Variants in GRID2 observed in about 807,000 individuals in gnomAD.
The protein encoded by GRID2 is glutamate ionotropic receptor delta type subunit 2.
A neutral mutation model predicts 114.8 loss-of-function variants in GRID2; 33 were observed. The ratio of observed to expected loss-of-function variants is 0.29; its 90% CI spans 0.22 to 0.38. The LOEUF (loss-of-function observed/expected upper bound fraction) is 0.38, where lower values mean the gene tolerates loss of function less well. GRID2 is among the 10% of genes least tolerant of loss of function. The probability of loss-of-function intolerance (pLI) is 1.00; values close to 1 mark genes in which losing one functional copy is unlikely to be tolerated. For missense variants in GRID2, 1,184 were observed against 1,257.7 expected (o/e 0.94, Z 0.89); for synonymous variants, 505 against 449.9 (o/e 1.12, Z -1.55).
intron 1 of GRID2, among the ~76,000 whole-genome samples, chr4:92,358,680 T>G (rs2110197060): frequency 6.6e-6 from 1 of 152,064 alleles, no homozygotes; most frequent in South Asian, 2.1e-4. Flanking sequence ...CAGATTTCAT[T>G]AGTCTACTAC....
intron 9 of GRID2, among the ~76,000 whole-genome samples, chr4:93,400,999 A>C (rs2149338213): frequency 6.6e-6 from 1 of 151,954 alleles, no homozygotes; most frequent in South Asian, 2.1e-4. Flanking sequence ...ACCGTGCCTG[A>C]CTAATTTATT....
chr4:92,645,723 A>G (rs1459344700), intron 2 of GRID2, among the ~76,000 whole-genome samples: 3 of 151,606 alleles, frequency 2.0e-5, no homozygotes, highest in East Asian at 3.9e-4. Context: ...TTAACTTGAC[A>G]TGTATTCTTT....
chr4:92,517,515 T>TA (rs1342396791), intron 1 of GRID2, among the ~76,000 whole-genome samples: 3 of 151,922 alleles, frequency 2.0e-5, no homozygotes, highest in South Asian at 2.1e-4. Flanking sequence ...TGTATGTTGT[T>TA]AAAAAATATT....
intron 5 of GRID2, among the ~76,000 whole-genome samples, chr4:93,209,774 A>C (rs1454514953): frequency 1.3e-5 from 2 of 151,878 alleles, no homozygotes; most frequent in Non-Finnish European, 1.5e-5. Context: ...TTATTTTTTG[A>C]CTTTTTAATA....
At chr4:93,236,158 G>A (rs2149509379) in intron 7 of GRID2, among the ~76,000 whole-genome samples, 1 of 152,104 alleles carries the variant, frequency 6.6e-6, no homozygotes, top group East Asian at 1.9e-4. Context: ...TTGTCATTTG[G>A]AGATACTAAT....
intron 2 of GRID2, among the ~76,000 whole-genome samples, chr4:92,847,982 ACAGT>A (rs1743466545): frequency 1.3e-5 from 2 of 152,050 alleles, no homozygotes; most frequent in South Asian, 2.1e-4. Flanking sequence ...CTCCATGTCA[ACAGT>A]CAAAGGACAA....
chr4:92,470,711 T>C (rs954186808), intron 1 of GRID2, among the ~76,000 whole-genome samples: 3 of 151,988 alleles, frequency 2.0e-5, no homozygotes, highest in Admixed American at 2.0e-4. Flanking sequence ...AGAATTATAT[T>C]TGTATTTTCA....
chr4:92,661,402 C>T (rs999417734), intron 2 of GRID2, among the ~76,000 whole-genome samples: 44 of 150,766 alleles, frequency 2.9e-4, no homozygotes, highest in African/African-American at 1.0e-3. Flanking sequence ...GTGGCCAATA[C>T]ATTAAAAAAT....
In GRID2 at chr4:93,192,207, C is replaced by T. The variant is rs576497438; in HGVS notation, c.736-15197C>T. Among the ~76,000 whole-genome samples, 60 of 152,266 alleles carry T rather than the reference C, an allele frequency of 3.9e-4. No homozygotes were observed. In the Middle Eastern group the frequency reaches 0.017, roughly 43 times the overall value. ...TTTAACAAAATGGGGCAACCAGCAA[C>T]TGAAATCATTCCATTTAAAATAATT... On this transcript the variant is annotated intron_variant, in intron 4 of 15. Transcript: ENST00000282020.
chr4:93,091,729 C>T (rs746286385), intron 3 of GRID2, among the ~76,000 whole-genome samples: 3 of 152,084 alleles, frequency 2.0e-5, no homozygotes, highest in Non-Finnish European at 2.9e-5. Flanking sequence ...TTGTGTCCCC[C>T]ACTTTGGCCT....
Position 92,621,646 on chromosome 4 carries a change from G to A in GRID2, c.244+31360G>A, listed in dbSNP as rs530857379. ...CTGCACTTAGCGCAGGGCAAAAAGC[G>A]AGACATCATCTCTTAAAAAAATCCA... On this transcript the variant is annotated intron_variant, in intron 2 of 15. Coordinates refer to ENST00000282020, the MANE Select transcript of GRID2 (RefSeq NM_001510.4). 4.6e-5 allele frequency among the ~76,000 whole-genome samples: 7 copies of A among 151,772 alleles called. No homozygotes were observed. In the South Asian group the frequency reaches 1.2e-3, roughly 27 times the overall value.
At chr4:93,037,604 G>A (rs1725046350) in intron 2 of GRID2, among the ~76,000 whole-genome samples, 1 of 152,144 alleles carries the variant, frequency 6.6e-6, no homozygotes. Context: ...TCTCTCTTGA[G>A]TTAATTTTTG....
chr4:93,389,901 G>A (rs1471832259), intron 8 of GRID2, among the ~76,000 whole-genome samples: 2 of 151,462 alleles, frequency 1.3e-5, no homozygotes, highest in Non-Finnish European at 2.9e-5. Flanking sequence ...CAATTCTCCC[G>A]CCTCAGCCCC....
downstream of GRID2, among the ~76,000 whole-genome samples, chr4:93,776,566 T>C (rs894496334): frequency 2.6e-5 from 4 of 152,264 alleles, no homozygotes; most frequent in South Asian, 2.1e-4. Context: ...TGGCTCCATA[T>C]CAACATGCAG....
At position 93,591,194 on chromosome 4, in the gene GRID2, G is replaced by T. The variant is rs1217651185; in HGVS notation, c.2194-35075G>T. Among the ~76,000 whole-genome samples the T allele has an allele frequency of 1.9e-3, 289 of 150,392 alleles. 1 individual carries two copies. Among genetic ancestry groups the T allele is most frequent in the Middle Eastern group, 6.8e-3 (2 of 294 alleles). On this transcript the variant is annotated intron_variant, in intron 13 of 15. Coordinates refer to ENST00000282020, the MANE Select transcript of GRID2 (RefSeq NM_001510.4). Reference sequence around the variant, plus strand: ...TCAGTATGATATTGGCTGTGGGTTTGTCATAGATAGCTCTTATTATTTTGA... The same window carrying T: ...TCAGTATGATATTGGCTGTGGGTTTTTCATAGATAGCTCTTATTATTTTGA...
At chr4:93,677,098 C>T (rs1242865024) in intron 14 of GRID2, among the ~76,000 whole-genome samples, 14 of 152,184 alleles carry the variant, frequency 9.2e-5, no homozygotes, top group Non-Finnish European at 1.9e-4. Context: ...TCCCTACGGG[C>T]TTAGGAAATG....
In GRID2 at chr4:93,455,891, C is replaced by G; in HGVS notation, c.1775C>G (p.Pro592Arg). The change falls in exon 11 of 16, where the codon CCC becomes CGC. Residue 592 changes from proline (P) to arginine (R), a missense_variant. Around this residue, in one of 3 missense-constraint regions of GRID2, gnomAD observed 717 missense variants for 796.9 expected, o/e 0.90. Coordinates refer to ENST00000282020, the MANE Select transcript of GRID2 (RefSeq NM_001510.4). ...LLVYLLNWLNPPRLQMGSMTS... is the reference protein window; with the variant it reads ...LLVYLLNWLNRPRLQMGSMTS... ...GTCTACCTCTTGAACTGGCTTAATC[C>G]CCCACGATTACAAATGGGATCAATG... The G allele has an allele frequency of 6.2e-7, 1 of 1,610,400 alleles. No individual in the cohort carries two copies. The highest frequency in any genetic ancestry group is 8.5e-7 in the Non-Finnish European group (1 of 1,176,692).
rs1338715918 is a variant in GRID2, at chr4:92,538,390, T to C, written c.89-51741T>C. Among the ~76,000 whole-genome samples the C allele has an allele frequency of 2.0e-5, 3 of 152,318 alleles. No individual in the cohort carries two copies. The East Asian group carries it at 5.8e-4, about 29-fold the overall frequency. ...CAGGGATGCTTCTTTTTCATCTATATGATCCTGTAACTCAACAATGTGTAT... is the reference window on the plus strand; with the variant it reads ...CAGGGATGCTTCTTTTTCATCTATACGATCCTGTAACTCAACAATGTGTAT... On this transcript the variant is annotated intron_variant, in intron 1 of 15. Transcript: ENST00000282020.
chr4:93,599,024 T>A (rs1249843231), intron 13 of GRID2, among the ~76,000 whole-genome samples: 6 of 152,228 alleles, frequency 3.9e-5, no homozygotes, highest in Admixed American at 3.9e-4. Context: ...TAATCTAGAC[T>A]AAGAAAATCA....
Sources: gnomAD v4.1 joint callset for allele counts (sites outside exome capture counted in the v4.1 genomes callset) on GRCh38, gnomAD v4.1.1 for gene constraint, gnomAD v4.1.1 regional missense constraint, MANE v1.5 for transcripts, NCBI Gene and HGNC (gene_info 2026-07-23, HGNC 2026-07-21) for gene names.